Variants in NRG1 observed in about 807,000 individuals in gnomAD.
NRG1 encodes neuregulin 1, also known as pro-neuregulin-1, membrane-bound isoform.
In NRG1, 18 loss-of-function variants were observed where a neutral mutation model predicts 63.8. The observed-to-expected ratio is 0.28, with a 90% confidence interval of 0.19 to 0.42. The LOEUF (loss-of-function observed/expected upper bound fraction) is 0.42. Ranked by LOEUF, NRG1 falls within the 10% of genes least tolerant of loss-of-function variation. The pLI is 1.00. For synonymous variants in NRG1, 302 were observed against 301.3 expected (o/e 1.00, Z -0.02); for missense variants, 762 against 814.7 (o/e 0.94, Z 0.79).
chr8:31,895,028 A>G (rs1442554089), intron 1 of NRG1, among the ~76,000 whole-genome samples: 1 of 152,230 alleles, frequency 6.6e-6, no homozygotes, highest in East Asian at 1.9e-4. Flanking sequence ...AATATTCTTT[A>G]AACCATGTCT....
chr8:32,257,434 C>T (rs1849855689), intron 1 of NRG1, among the ~76,000 whole-genome samples: 1 of 152,196 alleles, frequency 6.6e-6, no homozygotes, highest in Non-Finnish European at 1.5e-5. Flanking sequence ...TTTTCCTTCT[C>T]ACATTCAACT....
intron 1 of NRG1, among the ~76,000 whole-genome samples, chr8:32,373,948 T>C (rs1809279454): frequency 6.6e-6 from 1 of 152,150 alleles, no homozygotes; most frequent in African/African-American, 2.4e-5. Flanking sequence ...AGACAAAACC[T>C]TCAAGGAAAA....
chr8:32,406,162 C>T (rs1345748753), intron 1 of NRG1, among the ~76,000 whole-genome samples: 1 of 152,100 alleles, frequency 6.6e-6, no homozygotes, highest in Non-Finnish European at 1.5e-5. Flanking sequence ...CCCTAACTTC[C>T]CTAAACTTCA....
intron 5 of NRG1, among the ~76,000 whole-genome samples, chr8:32,695,658 A>T (rs1813096841): frequency 1.3e-5 from 2 of 152,154 alleles, no homozygotes; most frequent in African/African-American, 4.8e-5. Context: ...GTTCACTGTG[A>T]TGTTGGCTGG....
intron 1 of NRG1, among the ~76,000 whole-genome samples, chr8:31,717,856 T>C (rs926044071): frequency 6.6e-6 from 1 of 152,212 alleles, no homozygotes; most frequent in African/African-American, 2.4e-5. Flanking sequence ...TACCTAGGAA[T>C]ATTCCAAGTT....
intron 1 of NRG1, among the ~76,000 whole-genome samples, chr8:31,729,967 A>G (rs949069649): frequency 5.9e-5 from 9 of 152,110 alleles, no homozygotes; most frequent in African/African-American, 2.2e-4. Flanking sequence ...CCTTTGTCCT[A>G]AGAAAGAATT....
At chr8:32,188,658 G>A (rs1248163331) in intron 1 of NRG1, among the ~76,000 whole-genome samples, 2 of 152,116 alleles carry the variant, frequency 1.3e-5, no homozygotes, top group Admixed American at 1.3e-4. Context: ...AAGGAAGAAT[G>A]GTTAAAGAAA....
intron 1 of NRG1, among the ~76,000 whole-genome samples, chr8:32,187,492 A>C (rs2132158267): frequency 6.6e-6 from 1 of 152,290 alleles, no homozygotes; most frequent in South Asian, 2.1e-4. Flanking sequence ...TGACTCAAGG[A>C]CAAATGACAA....
At chr8:32,103,208 A>T (rs1830796385) in intron 1 of NRG1, among the ~76,000 whole-genome samples, 1 of 152,132 alleles carries the variant, frequency 6.6e-6, no homozygotes, top group Non-Finnish European at 1.5e-5. Flanking sequence ...TCCTCTGGTA[A>T]CCATCCTTCC....
At chr8:32,217,334 T>C (rs1845351919) in intron 1 of NRG1, among the ~76,000 whole-genome samples, 1 of 151,146 alleles carries the variant, frequency 6.6e-6, no homozygotes, top group Non-Finnish European at 1.5e-5. Context: ...CCCAGGAAAG[T>C]CTAGTGCCCA....
At chr8:32,329,161 T>C (rs576598531) in intron 1 of NRG1, among the ~76,000 whole-genome samples, 1 of 151,920 alleles carries the variant, frequency 6.6e-6, no homozygotes, top group Non-Finnish European at 1.5e-5. Flanking sequence ...TAGAGGTGGG[T>C]TTTCCCTATG....
chr8:31,684,514 A>C (rs1808662088), intron 1 of NRG1, among the ~76,000 whole-genome samples: 1 of 152,186 alleles, frequency 6.6e-6, no homozygotes. Context: ...TTATTATTAC[A>C]AAGTGTCAGG....
At chr8:32,247,564 G>A (rs1421623860) in intron 1 of NRG1, among the ~76,000 whole-genome samples, 2 of 152,050 alleles carry the variant, frequency 1.3e-5, no homozygotes, top group African/African-American at 4.8e-5. Flanking sequence ...TATCACTTAG[G>A]AATCAGTTTT....
chr8:32,243,725 G>C (rs903574559), intron 1 of NRG1, among the ~76,000 whole-genome samples: 5 of 152,086 alleles, frequency 3.3e-5, no homozygotes, highest in Non-Finnish European at 5.9e-5. Flanking sequence ...TACTGTGACG[G>C]TGTTTGAGAT....
At chr8:31,719,066 A>C (rs924340215) in intron 1 of NRG1, among the ~76,000 whole-genome samples, 1 of 152,182 alleles carries the variant, frequency 6.6e-6, no homozygotes, top group Non-Finnish European at 1.5e-5. Flanking sequence ...TGGCTAAAAC[A>C]ACTCTCTCCA....
intron 1 of NRG1, among the ~76,000 whole-genome samples, chr8:32,154,094 G>A (rs1038457510): frequency 6.6e-6 from 1 of 152,080 alleles, no homozygotes; most frequent in Non-Finnish European, 1.5e-5. Context: ...TTTTTCTGAT[G>A]AGGAGAATGG....
chr8:31,816,232 T>C (rs899606504), intron 1 of NRG1, among the ~76,000 whole-genome samples: 4 of 152,186 alleles, frequency 2.6e-5, no homozygotes, highest in Non-Finnish European at 5.9e-5. Context: ...GCACCTCAAC[T>C]GAGGCTGGGG....
intron 1 of NRG1, among the ~76,000 whole-genome samples, chr8:32,140,455 CTTCT>C (rs1024045062): frequency 2.0e-5 from 3 of 151,350 alleles, no homozygotes; most frequent in Non-Finnish European, 2.9e-5. Flanking sequence ...AAATGCTTTT[CTTCT>C]TTCTTTCTTT....
Position 31,853,893 on chromosome 8 carries a change from T to C in NRG1, c.37+214462T>C, listed in dbSNP as rs556521455. On this transcript the variant is annotated intron_variant, in intron 1 of 10. Coordinates refer to the NRG1 transcript ENST00000519301. ...ATCATGTGGTATTTGTCTTTGGCTC[T>C]GTTTTTATGCTGGATTACATTTATT... is the stretch of plus-strand genomic sequence containing the variant. Among the ~76,000 whole-genome samples, 10 of 152,156 alleles carry C rather than the reference T, an allele frequency of 6.6e-5. No homozygotes were observed. In the East Asian group the frequency reaches 1.2e-3, roughly 18 times the overall value.
Sources: gnomAD v4.1 joint callset for allele counts (sites outside exome capture counted in the v4.1 genomes callset) on GRCh38, gnomAD v4.1.1 for gene constraint, MANE v1.5 for transcripts, NCBI Gene and HGNC (gene_info 2026-07-23, HGNC 2026-07-21) for gene names.